The following ATF2 variants were observed in gnomAD, a reference collection of about 807,000 sequenced individuals.
ATF2 encodes cyclic AMP-dependent transcription factor ATF-2.
In ATF2, 24 loss-of-function variants were observed where a neutral mutation model predicts 60.6. The ratio of observed to expected loss-of-function variants is 0.40; its 90% CI spans 0.29 to 0.56. The LOEUF is 0.56. Among genes scored for constraint, ATF2 ranks in the 20% least tolerant of loss-of-function variants. The pLI, the probability that ATF2 is intolerant of heterozygous loss-of-function variation, is 0.54. For missense variants in ATF2, 433 were observed against 607.7 expected, an observed-to-expected ratio of 0.71 and a Z score of 3.02; for synonymous variants, 206 against 215.4, an observed-to-expected ratio of 0.96 and a Z score of 0.38.
rs1451684943 is a variant in ATF2 at position 175,142,716 on chromosome 2, A to AGTGT, written c.-43-6231_-43-6230insACAC. Among the ~76,000 whole-genome samples the AGTGT allele has an allele frequency of 9.3e-3, 1,127 of 120,620 alleles. 5 individuals are homozygous for AGTGT. Among genetic ancestry groups the AGTGT allele is most frequent in the Admixed American group, 0.014 (162 of 11,466 alleles). The allele number at this position is 120,620 out of a possible 152,430, so 79.1% of individuals were successfully genotyped here. ...GAGAGAGAGAGAGAGAGAGAGAGAG[A>AGTGT]GAGAGTGTGTGTGTGTGTGTGTGTG... On this transcript the variant is annotated intron_variant, in intron 2 of 13. Transcript: ENST00000264110.
At chr2:175,081,860 G>A (rs1693779886) in intron 12 of ATF2, among the ~76,000 whole-genome samples, 1 of 152,126 alleles carries the variant, frequency 6.6e-6, no homozygotes, top group Non-Finnish European at 1.5e-5. Flanking sequence ...AGACCAGCCT[G>A]GCCAACATGG....
At chr2:175,166,660 T>G (rs1461812074) in intron 1 of ATF2, among the ~76,000 whole-genome samples, 1 of 152,224 alleles carries the variant, frequency 6.6e-6, no homozygotes, top group African/African-American at 2.4e-5. Flanking sequence ...AAGCTTTACC[T>G]TCATAATTTT....
chr2:175,082,800 A>G (rs1693851821), intron 12 of ATF2, among the ~76,000 whole-genome samples: 2 of 152,244 alleles, frequency 1.3e-5, no homozygotes, highest in African/African-American at 4.8e-5. Flanking sequence ...AGCTAAATAC[A>G]TACCGTTGTC....
intron 2 of ATF2, among the ~76,000 whole-genome samples, chr2:175,150,154 T>C (rs1699212012): frequency 6.6e-6 from 1 of 152,354 alleles, no homozygotes; most frequent in South Asian, 2.1e-4. Context: ...TTCTGCTTTA[T>C]ACTTGCTTTA....
At chr2:175,126,538 T>G (rs1177670663) in intron 4 of ATF2, among the ~76,000 whole-genome samples, 3 of 152,228 alleles carry the variant, frequency 2.0e-5, no homozygotes, top group Non-Finnish European at 1.5e-5. Context: ...AACTTCTTAA[T>G]GTTTTTCACA....
chr2:175,119,779 G>T (rs1191267732), intron 5 of ATF2, among the ~76,000 whole-genome samples: 1 of 151,572 alleles, frequency 6.6e-6, no homozygotes, highest in Non-Finnish European at 1.5e-5. Context: ...CACCCAAAGG[G>T]TTTGTCTATC....
At chr2:175,090,986 C>T (rs1403151771) in intron 12 of ATF2, among the ~76,000 whole-genome samples, 1 of 152,088 alleles carries the variant, frequency 6.6e-6, no homozygotes, top group East Asian at 1.9e-4. Context: ...ACCAGTGCTG[C>T]AGTGTAACTA....
At chr2:175,114,980 A>C (rs1296064672) in intron 7 of ATF2, 112 bp from the exon 8 acceptor site, 1 of 959,908 alleles carries the variant, frequency 1.0e-6, no homozygotes, top group Non-Finnish European at 1.4e-6. Flanking sequence ...AACTGCTAAA[A>C]GCAAATTAAT....
chr2:175,140,997 A>AG, intron 2 of ATF2, among the ~76,000 whole-genome samples: 1 of 50,374 alleles, frequency 2.0e-5, no homozygotes, highest in Non-Finnish European at 3.5e-5. Context: ...ACCCTATCTC[A>AG]GGAAAAAAAA....
chr2:175,116,766 AAAAC>A (rs967151748), intron 7 of ATF2, among the ~76,000 whole-genome samples: 4 of 152,172 alleles, frequency 2.6e-5, no homozygotes, highest in Admixed American at 6.6e-5. Flanking sequence ...CGAACAATGA[AAAAC>A]TGTTAAGTGT....
At chr2:175,129,837 T>A (rs143381486) in intron 4 of ATF2, among the ~76,000 whole-genome samples, 152 of 152,142 alleles carry the variant, frequency 1.0e-3, no homozygotes, top group Non-Finnish European at 1.9e-4. Context: ...TATCAATAAT[T>A]TTCAACCAAT....
At chr2:175,136,384 C>A in intron 3 of ATF2, 28 bp downstream of exon 3, 1 of 1,602,942 alleles carries the variant, frequency 6.2e-7, no homozygotes, top group South Asian at 1.1e-5. Context: ...TAAAAAATGG[C>A]TAAAAATACC....
At chr2:175,083,564 C>T (rs1273438810) in intron 12 of ATF2, among the ~76,000 whole-genome samples, 1 of 152,116 alleles carries the variant, frequency 6.6e-6, no homozygotes, top group East Asian at 1.9e-4. Context: ...TAGGCATTAC[C>T]ATTCAGGACA....
chr2:175,109,519 G>GT (rs1290491977), intron 10 of ATF2, among the ~76,000 whole-genome samples: 1 of 152,138 alleles, frequency 6.6e-6, no homozygotes, highest in African/African-American at 2.4e-5. Flanking sequence ...AAAAGAAACA[G>GT]TTATTCAGGT....
rs116236440 is a variant in ATF2 at position 175,098,209 on chromosome 2, C to T, written c.829-616G>A. On this transcript the variant is annotated intron_variant, in intron 10 of 13. Transcript: ENST00000264110. The stretch of plus-strand genomic sequence containing the variant: ...ATTTGCTACATAGGTACAAAACAAA[C>T]ATATCTGTTAACTGATAGAAATTGG... Among the ~76,000 whole-genome samples the T allele has an allele frequency of 4.9e-3, 748 of 152,282 alleles. 5 individuals carry two copies. The highest frequency in any genetic ancestry group is 0.017 in the African/African-American group (687 of 41,558).
chr2:175,108,604 C>T (rs1449422369), intron 10 of ATF2, among the ~76,000 whole-genome samples: 1 of 151,880 alleles, frequency 6.6e-6, no homozygotes, highest in Non-Finnish European at 1.5e-5. Flanking sequence ...AGGTGGGGGG[C>T]GCCTCTGCCC....
At chr2:175,140,029 G>A (rs1357412755) in intron 2 of ATF2, among the ~76,000 whole-genome samples, 2 of 151,884 alleles carry the variant, frequency 1.3e-5, no homozygotes, top group Non-Finnish European at 2.9e-5. Flanking sequence ...CCTTCTTTGA[G>A]AAAAAAATAA....
At chr2:175,109,272 A>G (rs1326132358) in intron 10 of ATF2, among the ~76,000 whole-genome samples, 2 of 152,174 alleles carry the variant, frequency 1.3e-5, no homozygotes, top group African/African-American at 4.8e-5. Flanking sequence ...GAATGGACAA[A>G]GAAATTGTGG....
At chr2:175,165,406 C>T (rs1000942980) in intron 1 of ATF2, among the ~76,000 whole-genome samples, 10 of 152,120 alleles carry the variant, frequency 6.6e-5, no homozygotes, top group Non-Finnish European at 1.2e-4. Context: ...AGAAAAAGCA[C>T]ACATTGGTGA....
Sources: gnomAD v4.1 joint callset for allele counts (sites outside exome capture counted in the v4.1 genomes callset) on GRCh38, gnomAD v4.1.1 for gene constraint, MANE v1.5 for transcripts, NCBI Gene and HGNC (gene_info 2026-07-23, HGNC 2026-07-21) for gene names.